Variants in GTF3C4 observed in about 807,000 individuals in gnomAD.
The protein encoded by GTF3C4 is general transcription factor 3C polypeptide 4.
A neutral mutation model predicts 67.5 loss-of-function variants in GTF3C4; 28 were observed. That is an observed-to-expected ratio of 0.41 (90% CI 0.31 to 0.57). The LOEUF (loss-of-function observed/expected upper bound fraction) is 0.57, where lower values mean the gene tolerates loss of function less well. Among genes scored for constraint, GTF3C4 ranks in the 20% least tolerant of loss-of-function variants. The pLI, the probability that GTF3C4 is intolerant of heterozygous loss-of-function variation, is 0.21. For missense variants in GTF3C4, 831 were observed against 1,033.2 expected, an observed-to-expected ratio of 0.80 and a Z score of 2.68; for synonymous variants, 409 against 393.0, an observed-to-expected ratio of 1.04 and a Z score of -0.48.
At position 132,691,718 on chromosome 9, in the gene GTF3C4, T is replaced by C. The variant is rs1836118038; in HGVS notation, c.*2773T>C. ...GACTTCAAGCAATCTCTACCTACTA[T>C]TATATCTGCCAAAACTACCAATTAT... On this transcript the variant is annotated 3_prime_UTR_variant, in exon 5 of 5. Transcript: ENST00000372146. 1 of 152,224 alleles carries C rather than the reference T, an allele frequency of 6.6e-6. No individual in the cohort carries two copies. The highest frequency in any genetic ancestry group is 2.4e-5 in the African/African-American group (1 of 41,456). 9.4% of individuals were successfully genotyped at this position (152,224 alleles called of 1,614,324 possible).
In GTF3C4 at chr9:132,678,434, G is replaced by A; in HGVS notation, c.815G>A (p.Gly272Asp). ...CATAACAACGAATGCCGGGACGTTG[G>A]CAGTGTGCTCCTGGCTGTCCTCTTT... ...VKHNNECRDVGSVLLAVLFEN... is the reference protein window; with the variant it reads ...VKHNNECRDVDSVLLAVLFEN... The change falls in exon 2 of 5, where the codon GGC (glycine) becomes GAC (aspartate). Residue 272 changes from glycine (G) to aspartate (D), a missense_variant. Transcript: ENST00000372146. This position sits in a 1 kb window ranked among gnomAD's most constrained non-coding sequence, Gnocchi z 6.5. The A allele has an allele frequency of 6.2e-7, 1 of 1,614,186 alleles. No homozygotes were observed. Among genetic ancestry groups the A allele is most frequent in the African/African-American group, 1.3e-5 (1 of 75,052 alleles).
chr9:132,670,428 G>T (rs1650345031), upstream of GTF3C4: 2 of 991,518 alleles, frequency 2.0e-6, no homozygotes, highest in Non-Finnish European at 2.7e-6. Flanking sequence ...TTGGCCACCT[G>T]GTAGGGCCGC....
intron 2 of GTF3C4, among the ~76,000 whole-genome samples, chr9:132,681,404 C>T (rs455764): frequency 0.48 from 72,370 of 152,026 alleles, 17,980 homozygotes; most frequent in African/African-American, 0.61. Context: ...TTGAAGACCA[C>T]GCATTCCTGT....
intron 2 of GTF3C4, among the ~76,000 whole-genome samples, chr9:132,683,187 A>G (rs549764169): frequency 5.2e-5 from 8 of 152,382 alleles, no homozygotes; most frequent in Admixed American, 5.2e-4. Flanking sequence ...TCAAAACATT[A>G]TAAATAATAG....
In GTF3C4 at chr9:132,692,571, A is replaced by G. The variant is rs1836134565; in HGVS notation, c.*3626A>G. On this transcript the variant is annotated 3_prime_UTR_variant, in exon 5 of 5. Transcript: ENST00000372146. ...GTACAGACGGCAAATAGGCAGACAA[A>G]TACAGGAATGTCTTTACAATTAGCC... The G allele has an allele frequency of 1.3e-5, 2 of 152,134 alleles. No individual in the cohort carries two copies. The highest frequency in any genetic ancestry group is 1.3e-4 in the Admixed American group (2 of 15,252). The allele number at this position is 152,134 out of a possible 1,614,324, so 9.4% of individuals were successfully genotyped here. A position where few individuals can be genotyped will look rare whatever the true frequency, so the allele number is the denominator to read the frequency against.
Position 132,679,444 on chromosome 9 carries a change from G to A in GTF3C4, c.1825G>A (p.Val609Met), listed in dbSNP as rs577534312. Residue 609 changes from valine to methionine, a missense_variant, in exon 2 of 5, where the codon GTG becomes ATG. Val to Met is a conservative substitution (Grantham distance 21, BLOSUM62 1). This residue lies in a region of GTF3C4 where 75 missense variants were observed against 66.4 expected (regional missense o/e 1.13). Coordinates refer to ENST00000372146, the MANE Select transcript of GTF3C4 (RefSeq NM_012204.4). This position sits in a 1 kb window ranked among gnomAD's most constrained non-coding sequence, Gnocchi z 5.9. ...PTHEDSKILLVDSPGMGNADD... is the reference protein window; with the variant it reads ...PTHEDSKILLMDSPGMGNADD... ...CCATGAGGACTCAAAAATCTTACTAGTGGATTCGCCTGGGATGGGCAATGC... is the reference window on the plus strand; with the variant it reads ...CCATGAGGACTCAAAAATCTTACTAATGGATTCGCCTGGGATGGGCAATGC... 4 of 1,614,172 alleles carry A rather than the reference G, an allele frequency of 2.5e-6. 1 individual carries two copies. In the South Asian group the frequency reaches 4.4e-5, roughly 18 times the overall value.
Position 132,681,966 on chromosome 9 carries a change from TA to T in GTF3C4, c.2185-1573del, listed in dbSNP as rs56402111. ...GGTGAGACCCTGTCTCTACATAAAG[TA>T]AAAAAAAAAAAAAAAAAAAAAAATT... On this transcript the variant is annotated intron_variant, in intron 2 of 4. Coordinates refer to ENST00000372146, the MANE Select transcript of GTF3C4 (RefSeq NM_012204.4). 5.2e-3 allele frequency among the ~76,000 whole-genome samples: 592 copies of T among 114,700 alleles called. 2 individuals are homozygous for T. Among genetic ancestry groups the T allele is most frequent in the African/African-American group, 0.012 (345 of 28,680 alleles). 75.2% of individuals were successfully genotyped at this position (114,700 alleles called of 152,430 possible).
upstream of GTF3C4, chr9:132,670,076 G>T (rs774562359): frequency 6.4e-7 from 1 of 1,560,898 alleles, no homozygotes; most frequent in East Asian, 2.4e-5. Flanking sequence ...GACTCGTCCC[G>T]AGGGGAGCCG....
chr9:132,676,720 T>C (rs79534759), intron 1 of GTF3C4, among the ~76,000 whole-genome samples: 2,526 of 152,300 alleles, frequency 0.017, 87 homozygotes, highest in African/African-American at 0.058. Flanking sequence ...TCTGAGTTAA[T>C]GTCTTCCAAG....
Position 132,670,924 on chromosome 9 carries a change from T to G in GTF3C4, c.326T>G (p.Val109Gly). Reference sequence around the variant, plus strand: ...GACCTGGTTATCCACCGCACCTCGGTGCCCGCACCGCTCAACAGCTGTCTC... The same window carrying G: ...GACCTGGTTATCCACCGCACCTCGGGGCCCGCACCGCTCAACAGCTGTCTC... ...GQDLVIHRTS[V>G]PAPLNSCLLK... The change falls in exon 1 of 5, where the codon GTG (valine) becomes GGG (glycine). Residue 109 changes from valine (V) to glycine (G), a missense_variant. Physicochemically the swap from Val to Gly is moderately radical, Grantham distance 109 (BLOSUM62 -3). Around this residue, in one of 4 missense-constraint regions of GTF3C4, gnomAD observed 237 missense variants for 212.7 expected, o/e 1.11. Transcript: ENST00000372146. 1 of 1,612,094 alleles carries G rather than the reference T, an allele frequency of 6.2e-7. No homozygotes were observed. The highest frequency in any genetic ancestry group is 8.5e-7 in the Non-Finnish European group (1 of 1,179,628).
intron 3 of GTF3C4, among the ~76,000 whole-genome samples, chr9:132,685,352 A>G (rs540954938): frequency 6.6e-6 from 1 of 152,224 alleles, no homozygotes; most frequent in East Asian, 1.9e-4. Flanking sequence ...TACACGTACC[A>G]TATTAACTCA....
Position 132,678,288 on chromosome 9 carries a change from C to A in GTF3C4, c.669C>A (p.Leu223=). The part of the protein sequence containing the change: ...GERLYETSYR[L]SKNEAPEGNL... ...GTCTTTATGAGACCAGTTACAGGCT[C>A]TCTAAAAATGAGGCCCCGGAAGGAA... is the stretch of plus-strand genomic sequence containing the variant. The change falls in exon 2 of 5, where the codon CTC becomes CTA. Residue 223 remains leucine, a synonymous_variant. Coordinates refer to ENST00000372146, the MANE Select transcript of GTF3C4 (RefSeq NM_012204.4). This position sits in a 1 kb window ranked among gnomAD's most constrained non-coding sequence, Gnocchi z 6.5. The A allele has an allele frequency of 6.2e-7, 1 of 1,614,128 alleles. No homozygotes were observed.
Position 132,689,144 on chromosome 9 carries a change from A to G in GTF3C4, c.*199A>G. 1 of 564,696 alleles carries G rather than the reference A, an allele frequency of 1.8e-6. No individual in the cohort carries two copies. The highest frequency in any genetic ancestry group is 3.2e-6 in the Non-Finnish European group (1 of 314,672). The allele number at this position is 564,696 out of a possible 1,614,324, so 35.0% of individuals were successfully genotyped here. ...CAGAGACTAAAGGATGTCCTTTGAA[A>G]TGGCTGGACTCAGAGAGTTGGAGTC... On this transcript the variant is annotated 3_prime_UTR_variant, in exon 5 of 5. Coordinates refer to ENST00000372146, the MANE Select transcript of GTF3C4 (RefSeq NM_012204.4).
chr9:132,680,390 AC>A (rs973712133), intron 2 of GTF3C4, among the ~76,000 whole-genome samples: 2 of 152,204 alleles, frequency 1.3e-5, no homozygotes, highest in Non-Finnish European at 2.9e-5. Flanking sequence ...AGTGCATATT[AC>A]CACTCAAAGC....
chr9:132,682,696 C>T (rs746934140), intron 2 of GTF3C4, among the ~76,000 whole-genome samples: 10 of 149,328 alleles, frequency 6.7e-5, no homozygotes, highest in African/African-American at 1.5e-4. Flanking sequence ...CCTCCACTCA[C>T]GGGCTCAGGC....
rs1234996613 is a variant in GTF3C4 at position 132,694,712 on chromosome 9, A to G, written c.*5767A>G. 6.6e-6 allele frequency: 1 copy of G among 152,128 alleles called. No homozygotes were observed. The highest frequency in any genetic ancestry group is 1.5e-5 in the Non-Finnish European group (1 of 68,020). 9.4% of individuals were successfully genotyped at this position (152,128 alleles called of 1,614,324 possible). ...TTCTTTACCAAGTCGCTGGTTGGCCATTTCTCCAATTGATGAACTACCATT... is the reference window on the plus strand; with the variant it reads ...TTCTTTACCAAGTCGCTGGTTGGCCGTTTCTCCAATTGATGAACTACCATT... On this transcript the variant is annotated 3_prime_UTR_variant, in exon 5 of 5. Transcript: ENST00000372146.
In GTF3C4 at chr9:132,679,215, C is replaced by T. The variant is rs1835906530; in HGVS notation, c.1596C>T (p.Asn532=). ...AAQLLESSVQ[N]LFKQVDLIDL... ...AGCTCCTGGAATCTTCAGTTCAAAA[C>T]CTTTTTAAGCAGGTAGATTTAATAG... The change falls in exon 2 of 5, where the codon AAC becomes AAT. Residue 532 remains asparagine (N), a synonymous_variant. Transcript: ENST00000372146. This position sits in a 1 kb window ranked among gnomAD's most constrained non-coding sequence, Gnocchi z 5.9. 6.2e-7 allele frequency: 1 copy of T among 1,613,954 alleles called. No homozygotes were observed. The highest frequency in any genetic ancestry group is 8.5e-7 in the Non-Finnish European group (1 of 1,179,988).
rs549379394 is a variant in GTF3C4 at position 132,690,815 on chromosome 9, A to C, written c.*1870A>C. 6.6e-6 allele frequency: 1 copy of C among 152,312 alleles called. No homozygotes were observed. Among genetic ancestry groups the C allele is most frequent in the South Asian group, 2.1e-4 (1 of 4,828 alleles). The allele number at this position is 152,312 out of a possible 1,614,324, so 9.4% of individuals were successfully genotyped here. A position where few individuals can be genotyped will look rare whatever the true frequency, so the allele number is the denominator to read the frequency against. ...ATAAATAAGAGTAAAAATTGAGATC[A>C]TGTCAAAAAATTATTGCAGTTTTAA... On this transcript the variant is annotated 3_prime_UTR_variant, in exon 5 of 5. Coordinates refer to ENST00000372146, the MANE Select transcript of GTF3C4 (RefSeq NM_012204.4).
chr9:132,691,448 CTG>C lies in GTF3C4; in HGVS notation c.*2505_*2506del. The C allele has an allele frequency of 6.6e-6, 1 of 152,188 alleles. No individual in the cohort carries two copies. Among genetic ancestry groups the C allele is most frequent in the Admixed American group, 6.5e-5 (1 of 15,282 alleles). 9.4% of individuals were successfully genotyped at this position (152,188 alleles called of 1,614,324 possible). On this transcript the variant is annotated 3_prime_UTR_variant, in exon 5 of 5. Transcript: ENST00000372146. ...TTGCTTTCAGCTGTGACCGTAATAA[CTG>C]TTTCAGGAACTGGAGAAATAGTGGA...
Sources: gnomAD v4.1 joint callset for allele counts (sites outside exome capture counted in the v4.1 genomes callset) on GRCh38, gnomAD v4.1.1 for gene constraint, gnomAD v4.1.1 regional missense constraint, Gnocchi (gnomAD v3.1) non-coding constraint, MANE v1.5 for transcripts, NCBI Gene and HGNC (gene_info 2026-07-23, HGNC 2026-07-21) for gene names.